Variants in SLC4A3 observed in about 807,000 individuals in gnomAD.
SLC4A3 encodes the protein anion exchange protein 3.
Under a neutral mutation model 114.2 loss-of-function variants are expected in SLC4A3, and 47 were observed. The observed-to-expected ratio is 0.41, with a 90% CI of 0.33 to 0.52. SLC4A3 has a LOEUF of 0.52. SLC4A3 is among the 20% of genes least tolerant of loss of function. SLC4A3 has a pLI of 0.21. For synonymous variants in SLC4A3, 693 were observed against 710.3 expected (o/e 0.98, Z 0.39); for missense variants, 1,312 against 1,668.3 (o/e 0.79, Z 3.72).
chr2:219,635,956 G>A (rs1456010792), intron 14 of SLC4A3, 65 bp downstream of exon 14: 2 of 1,299,482 alleles, frequency 1.5e-6, no homozygotes, highest in Non-Finnish European at 2.1e-6. Flanking sequence ...AGTGTCACTT[G>A]CAGGATTCTG....
chr2:219,640,330 G>T, intron 20 of SLC4A3, 100 bp from the exon 21 acceptor site: 1 of 1,348,876 alleles, frequency 7.4e-7, no homozygotes. Context: ...CCTCACGGGG[G>T]CTGTCTGAGG....
In SLC4A3 at chr2:219,636,337, C is replaced by T. The variant is rs1699116209; in HGVS notation, c.2227C>T (p.Leu743=). The T allele has an allele frequency of 1.9e-6, 3 of 1,613,716 alleles. No homozygotes were observed. The highest frequency in any genetic ancestry group is 2.5e-6 in the Non-Finnish European group (3 of 1,179,942). ...CGAGGGGCTGATGGGCGTGTCCGAG[C>T]TGATCGTGTCCACCGCTGTGCTCGG... ...KTEGLMGVSE[L]IVSTAVLGVL... is the part of the protein sequence containing the mutation. The change falls in exon 15 of 23, where the codon CTG becomes TTG. Residue 743 remains leucine, a synonymous_variant. Coordinates refer to ENST00000358055, the MANE Select transcript of SLC4A3 (RefSeq NM_005070.4). The surrounding 1 kb of genome is among the most constrained non-coding windows in gnomAD (Gnocchi z 5.5).
rs1028608635 is a variant in SLC4A3, at chr2:219,632,428, G to A, written c.1127G>A (p.Arg376Lys). 6.3e-7 allele frequency: 1 copy of A among 1,597,698 alleles called. No homozygotes were observed. Among genetic ancestry groups the A allele is most frequent in the Non-Finnish European group, 8.5e-7 (1 of 1,171,824 alleles). ...TTCCGTAGCCTTCTGGAGCTCAGGA[G>A]GACCATCGCCCATGGTAGGGACCCC... is the stretch of plus-strand genomic sequence containing the variant. ...LSFRSLLELR[R>K]TIAHGAALLD... The change falls in exon 8 of 23, where the codon AGG becomes AAG. Residue 376 changes from arginine to lysine, a missense_variant. Around this residue, in one of 4 missense-constraint regions of SLC4A3, gnomAD observed 771 missense variants for 977.7 expected, o/e 0.79. Coordinates refer to ENST00000358055, the MANE Select transcript of SLC4A3 (RefSeq NM_005070.4).
At position 219,629,143 on chromosome 2, in the gene SLC4A3, G is replaced by C. The variant is rs1192671342; in HGVS notation, c.218-1G>C. Reference sequence around the variant, plus strand: ...CTCAACCGGATCTCCTGCACCCCCAGTTCACCGGCACACATCCCACCACAC... The same window carrying C: ...CTCAACCGGATCTCCTGCACCCCCACTTCACCGGCACACATCCCACCACAC... On this transcript the variant is annotated splice_acceptor_variant, in intron 3 of 22. Transcript: ENST00000358055. LOFTEE classifies it high-confidence loss of function. 1.3e-6 allele frequency: 2 copies of C among 1,576,178 alleles called. No homozygotes were observed. The highest frequency in any genetic ancestry group is 1.7e-6 in the Non-Finnish European group (2 of 1,159,606).
rs377448926 is a variant in SLC4A3 at position 219,639,760 on chromosome 2, C to T, written c.3277+25C>T. 2.5e-6 allele frequency: 4 copies of T among 1,596,272 alleles called. No homozygotes were observed. Among genetic ancestry groups the T allele is most frequent in the African/African-American group, 2.7e-5 (2 of 74,790 alleles). On this transcript the variant is annotated intron_variant, in intron 20 of 22. Transcript: ENST00000358055. The surrounding 1 kb of genome is among the most constrained non-coding windows in gnomAD (Gnocchi z 5.9). ...GGTGAGAGCCCGCCTCCACCCTGCA[C>T]ACCCCCTTCCTTGGGCCCCACGGTC...
chr2:219,629,016 G>T, intron 3 of SLC4A3, 128 bp from the exon 4 acceptor site: 7 of 1,144,904 alleles, frequency 6.1e-6, no homozygotes, highest in Non-Finnish European at 8.4e-6. Flanking sequence ...GTGTTGGGGG[G>T]TCATGGCCCT....
Position 219,638,303 on chromosome 2 carries a change from AG to A in SLC4A3, c.2856+53del. On this transcript the variant is annotated intron_variant, in intron 18 of 22. Transcript: ENST00000358055. The surrounding 1 kb of genome is among the most constrained non-coding windows in gnomAD (Gnocchi z 7.5). ...GCTGCTGTCACCCCCAGGCCAGGAGAGGGAGCCCACAACACACTTCCATGGG... is the reference window on the plus strand; with the variant it reads ...GCTGCTGTCACCCCCAGGCCAGGAGAGGAGCCCACAACACACTTCCATGGG... 1 of 1,405,312 alleles carries A rather than the reference AG, an allele frequency of 7.1e-7. No homozygotes were observed. Among genetic ancestry groups the A allele is most frequent in the Non-Finnish European group, 1.0e-6 (1 of 1,002,632 alleles). 87.1% of individuals were successfully genotyped at this position (1,405,312 alleles called of 1,614,324 possible). A position where few individuals can be genotyped will look rare whatever the true frequency, so the allele number is the denominator to read the frequency against.
chr2:219,638,122 G>A lies in SLC4A3; in HGVS notation c.2767-42G>A. ...AGCCCCGTGTTAGTCTGCTGACCTT[G>A]CCTCCACCTTTTGCTCCCTTCCCCA... On this transcript the variant is annotated intron_variant, in intron 17 of 22. Coordinates refer to ENST00000358055, the MANE Select transcript of SLC4A3 (RefSeq NM_005070.4). This position sits in a 1 kb window ranked among gnomAD's most constrained non-coding sequence, Gnocchi z 7.5. The A allele has an allele frequency of 6.7e-7, 1 of 1,495,612 alleles. No homozygotes were observed. The highest frequency in any genetic ancestry group is 9.2e-7 in the Non-Finnish European group (1 of 1,083,862). The allele number at this position is 1,495,612 out of a possible 1,614,324, so 92.6% of individuals were successfully genotyped here.
rs1420763591 is a variant in SLC4A3, at chr2:219,631,643, G to C, written c.812-325G>C. Among the ~76,000 whole-genome samples, 1 of 152,126 alleles carries C rather than the reference G, an allele frequency of 6.6e-6. No individual in the cohort carries two copies. Among genetic ancestry groups the C allele is most frequent in the Non-Finnish European group, 1.5e-5 (1 of 68,018 alleles). On this transcript the variant is annotated intron_variant, in intron 6 of 22. Transcript: ENST00000358055. The surrounding 1 kb of genome is among the most constrained non-coding windows in gnomAD (Gnocchi z 6.3). ...GCCTGGGGACTCTGACTCAGTGCCT[G>C]TCATGGGACCCAGATGGAGAAGGAG... is the stretch of plus-strand genomic sequence containing the variant.
chr2:219,628,438 C>A lies in SLC4A3; in HGVS notation c.85C>A (p.Pro29Thr). 1 of 1,613,374 alleles carries A rather than the reference C, an allele frequency of 6.2e-7. No homozygotes were observed. The highest frequency in any genetic ancestry group is 8.5e-7 in the Non-Finnish European group (1 of 1,179,770). ...RVPLEEPPLSPDVEEEDDDLG... is the reference protein window; with the variant it reads ...RVPLEEPPLSTDVEEEDDDLG... ...GCCCTTGGAGGAGCCCCCTCTAAGT[C>A]CAGACGTGGAGGAGGAGGACGATGA... is the stretch of plus-strand genomic sequence containing the variant. The change falls in exon 3 of 23, where the codon CCA (proline) becomes ACA (threonine). Residue 29 changes from proline (P) to threonine (T), a missense_variant. Coordinates refer to ENST00000358055, the MANE Select transcript of SLC4A3 (RefSeq NM_005070.4). The surrounding 1 kb of genome is among the most constrained non-coding windows in gnomAD (Gnocchi z 4.8).
chr2:219,635,060 T>C (rs1699067526), intron 12 of SLC4A3, among the ~76,000 whole-genome samples: 2 of 152,166 alleles, frequency 1.3e-5, no homozygotes, highest in South Asian at 4.1e-4. Flanking sequence ...CCTGGGGGAA[T>C]GGAGGGCACC....
In SLC4A3 at chr2:219,637,393, G is replaced by T. The variant is rs1699160755; in HGVS notation, c.2536-188G>T. On this transcript the variant is annotated intron_variant, in intron 16 of 22. Transcript: ENST00000358055. This position sits in a 1 kb window ranked among gnomAD's most constrained non-coding sequence, Gnocchi z 4.6. ...TGTTATGTGTGTGTTGTTACGTGTT[G>T]TGTGTGTTGTATGTGTGTGTTCTGT... 1.3e-5 allele frequency among the ~76,000 whole-genome samples: 2 copies of T among 151,874 alleles called. No individual in the cohort carries two copies. The highest frequency in any genetic ancestry group is 4.8e-5 in the African/African-American group (2 of 41,326).
In SLC4A3 at chr2:219,632,894, G is replaced by C. The variant is rs1574649496; in HGVS notation, c.1162G>C (p.Glu388Gln). The C allele has an allele frequency of 1.2e-6, 2 of 1,614,152 alleles. No individual in the cohort carries two copies. The highest frequency in any genetic ancestry group is 8.5e-7 in the Non-Finnish European group (1 of 1,180,024). Reference sequence around the variant, plus strand: ...CCTAGGAGCTGCCCTCCTGGACCTGGAGCAAACCACCCTGCCAGGCATTGC... The same window carrying C: ...CCTAGGAGCTGCCCTCCTGGACCTGCAGCAAACCACCCTGCCAGGCATTGC... ...IAHGAALLDL[E>Q]QTTLPGIAHL... The change falls in exon 9 of 23, where the codon GAG becomes CAG. Residue 388 changes from glutamate to glutamine, a missense_variant. By Grantham distance (29) the Glu-to-Gln change is conservative (BLOSUM62 2). Coordinates refer to ENST00000358055, the MANE Select transcript of SLC4A3 (RefSeq NM_005070.4).
At position 219,628,108 on chromosome 2, in the gene SLC4A3, C is replaced by A. The variant is rs955197590; in HGVS notation, c.51+65C>A. ...GAGAGGGGAGGGACCTTAGGGTGGG[C>A]AGAGGAGTCCTCTGGCCGACCCCGG... On this transcript the variant is annotated intron_variant, in intron 2 of 22. Transcript: ENST00000358055. The surrounding 1 kb of genome is among the most constrained non-coding windows in gnomAD (Gnocchi z 4.8). The A allele has an allele frequency of 4.5e-6, 6 of 1,319,032 alleles. No homozygotes were observed. The African/African-American group carries it at 9.0e-5, about 20-fold the overall frequency. The allele number at this position is 1,319,032 out of a possible 1,614,324, so 81.7% of individuals were successfully genotyped here.
rs1699118467 is a variant in SLC4A3 at position 219,636,379 on chromosome 2, C to T, written c.2269C>T (p.Leu757=). The change falls in exon 15 of 23, where the codon CTG becomes TTG. Residue 757 remains leucine, a synonymous_variant. Transcript: ENST00000358055. This position sits in a 1 kb window ranked among gnomAD's most constrained non-coding sequence, Gnocchi z 5.5. ...TAVLGVLFSL[L]GAQPLLVVGF... ...TGTGCTCGGCGTCCTCTTCTCTCTGCTGGGAGCTCAGCCGCTGCTTGTGGT... is the reference window on the plus strand; with the variant it reads ...TGTGCTCGGCGTCCTCTTCTCTCTGTTGGGAGCTCAGCCGCTGCTTGTGGT... The T allele has an allele frequency of 1.2e-6, 2 of 1,613,586 alleles. No homozygotes were observed. The highest frequency in any genetic ancestry group is 2.7e-5 in the African/African-American group (2 of 74,878).
At chr2:219,633,538 G>C in intron 10 of SLC4A3, 81 bp downstream of exon 10, 1 of 1,284,734 alleles carries the variant, frequency 7.8e-7, no homozygotes, top group South Asian at 1.6e-5. Context: ...ACTTCACTGA[G>C]TGGGTTGGGA....
At chr2:219,640,386 G>T in intron 20 of SLC4A3, 44 bp from the exon 21 acceptor site, 1 of 1,583,624 alleles carries the variant, frequency 6.3e-7, no homozygotes, top group Non-Finnish European at 8.6e-7. Context: ...CCATCCTCAC[G>T]GGGGCTGTCT....
In SLC4A3 at chr2:219,634,606, T is replaced by C. The variant is rs750552012; in HGVS notation, c.1746+2T>C. On this transcript the variant is annotated splice_donor_variant, in intron 12 of 22. Transcript: ENST00000358055. LOFTEE classifies it high-confidence loss of function. ...ATTGCCACCCTTATGTCTGACAAGG[T>C]TGGGCGCGTGCTGGCTCTCAAGGCC... 2 of 1,613,766 alleles carry C rather than the reference T, an allele frequency of 1.2e-6. No individual in the cohort carries two copies. Among genetic ancestry groups the C allele is most frequent in the Admixed American group, 3.3e-5 (2 of 59,992 alleles).
rs770102086 is a variant in SLC4A3 at position 219,637,578 on chromosome 2, C to T, written c.2536-3C>T. The T allele has an allele frequency of 2.2e-5, 33 of 1,521,190 alleles. No individual in the cohort carries two copies. Among genetic ancestry groups the T allele is most frequent in the African/African-American group, 5.5e-5 (4 of 72,646 alleles). 94.2% of individuals were successfully genotyped at this position (1,521,190 alleles called of 1,614,324 possible). On this transcript the variant is annotated splice_polypyrimidine_tract_variant and splice_region_variant and intron_variant, in intron 16 of 22. Transcript: ENST00000358055. The surrounding 1 kb of genome is among the most constrained non-coding windows in gnomAD (Gnocchi z 4.6). ...ACAAGGCATCCTTGTTATCCACACA[C>T]AGGTGTTCACAGAGCACCCACTGCT...
Sources: allele counts gnomAD v4.1 joint callset (sites outside exome capture counted in the v4.1 genomes callset), GRCh38; gene constraint gnomAD v4.1.1; regional missense constraint gnomAD v4.1.1; non-coding constraint Gnocchi (gnomAD v3.1); transcripts MANE v1.5; gene names NCBI Gene and HGNC (gene_info 2026-07-23, HGNC 2026-07-21).